Variants in PRRT1B observed in about 807,000 individuals in gnomAD.
PRRT1B encodes proline rich transmembrane protein 1B, also known as dispanin subfamily D member 2.
At chr9:131,547,614 C>T (rs369393782) in intron 1 of PRRT1B, among the ~76,000 whole-genome samples, 7 of 152,164 alleles carry the variant, frequency 4.6e-5, no homozygotes, top group South Asian at 2.1e-4. Flanking sequence ...CACACGGACG[C>T]GAGTGAAATT....
intron 1 of PRRT1B, among the ~76,000 whole-genome samples, chr9:131,550,213 C>T (rs938200917): frequency 1.3e-5 from 2 of 152,314 alleles, no homozygotes; most frequent in Admixed American, 6.5e-5. Context: ...AGGATCTGCG[C>T]CTTATCATCC....
intron 1 of PRRT1B, 106 bp downstream of exon 1, chr9:131,545,746 G>GTAC: frequency 2.5e-6 from 1 of 404,308 alleles, no homozygotes; most frequent in African/African-American, 2.1e-5. Flanking sequence ...GGCGGGGCAG[G>GTAC]TGCTGGCGGG....
intron 1 of PRRT1B, among the ~76,000 whole-genome samples, chr9:131,552,839 A>ATTTTTTTT (rs61662684): frequency 3.0e-5 from 4 of 133,798 alleles, no homozygotes; most frequent in African/African-American, 5.6e-5. Flanking sequence ...CACCTGGTTA[A>ATTTTTTTT]TTTTTTTTTT....
intron 1 of PRRT1B, among the ~76,000 whole-genome samples, chr9:131,546,519 C>A (rs949875917): frequency 2.0e-5 from 3 of 151,824 alleles, no homozygotes; most frequent in South Asian, 4.2e-4. Flanking sequence ...GCACTCCCCG[C>A]CCCCTCATCC....
At chr9:131,555,008 G>A in exon 2 of PRRT1B, 3 of 393,176 alleles carry the variant, frequency 7.6e-6, no homozygotes, top group Non-Finnish European at 1.3e-5. Flanking sequence ...CGCCCGCCGG[G>A]GCCGCCTTCC....
chr9:131,546,783 C>A (rs1006841356), intron 1 of PRRT1B, among the ~76,000 whole-genome samples: 2 of 152,182 alleles, frequency 1.3e-5, no homozygotes, highest in Non-Finnish European at 2.9e-5. Flanking sequence ...GCGCCGCCAG[C>A]AGATTTATTT....
chr9:131,558,995 C>T (rs1261610659), downstream of PRRT1B, among the ~76,000 whole-genome samples: 2 of 152,138 alleles, frequency 1.3e-5, no homozygotes, highest in African/African-American at 2.4e-5. Context: ...GCTGGGTGCT[C>T]GTTTGATGAG....
chr9:131,547,319 G>A (rs1009899948), intron 1 of PRRT1B, among the ~76,000 whole-genome samples: 2 of 151,972 alleles, frequency 1.3e-5, no homozygotes, highest in African/African-American at 2.4e-5. Context: ...CACCACAAAA[G>A]AAGTGGAAAT....
At chr9:131,556,177 G>T in exon 3 of PRRT1B, 1 of 401,120 alleles carries the variant, frequency 2.5e-6, no homozygotes. Context: ...TCTGCTGTCT[G>T]CTCACCGGTC....
chr9:131,559,512 A>G (rs1399580612), downstream of PRRT1B, among the ~76,000 whole-genome samples: 3 of 152,248 alleles, frequency 2.0e-5, no homozygotes, highest in Non-Finnish European at 2.9e-5. Context: ...TGATAGCTCA[A>G]GCTAAATCAG....
At chr9:131,550,685 C>T (rs931039687) in intron 1 of PRRT1B, among the ~76,000 whole-genome samples, 2 of 152,182 alleles carry the variant, frequency 1.3e-5, no homozygotes, top group East Asian at 3.9e-4. Flanking sequence ...AACAACTTGA[C>T]CTTACTGTTT....
chr9:131,548,338 T>A (rs1950988980), intron 1 of PRRT1B, among the ~76,000 whole-genome samples: 1 of 152,040 alleles, frequency 6.6e-6, no homozygotes, highest in Non-Finnish European at 1.5e-5. Context: ...CTCCTTCTTC[T>A]CCCTTAGCCT....
At chr9:131,549,124 C>A (rs1950993714) in intron 1 of PRRT1B, among the ~76,000 whole-genome samples, 1 of 152,032 alleles carries the variant, frequency 6.6e-6, no homozygotes, top group Admixed American at 6.6e-5. Flanking sequence ...TTAAATAAAC[C>A]CCCCAAATTA....
At chr9:131,550,350 C>T (rs62580643) in intron 1 of PRRT1B, among the ~76,000 whole-genome samples, 107,321 of 151,950 alleles carry the variant, frequency 0.71, 39,117 homozygotes, top group African/African-American at 0.9. Context: ...CCTTTGCACC[C>T]TTCATCCCAG....
intron 1 of PRRT1B, among the ~76,000 whole-genome samples, chr9:131,552,695 C>G (rs1431850175): frequency 1.4e-5 from 2 of 147,974 alleles, no homozygotes; most frequent in African/African-American, 4.9e-5. Context: ...TTTTTTGAGA[C>G]GGAGTCTCAC....
intron 1 of PRRT1B, 57 bp from the exon 2 acceptor site, chr9:131,554,500 C>T (rs1308592610): frequency 8.0e-6 from 3 of 374,634 alleles, no homozygotes; most frequent in African/African-American, 4.2e-5. Flanking sequence ...GCGGGACCAG[C>T]GACGTCCCAC....
At position 131,551,420 on chromosome 9, in the gene PRRT1B, G is replaced by A. The variant is rs1189601649; in HGVS notation, c.26-3137G>A. On this transcript the variant is annotated intron_variant, in intron 1 of 3. Transcript: ENST00000636672. The surrounding 1 kb of genome is among the most constrained non-coding windows in gnomAD (Gnocchi z 4.4). ...CCCTAATCTCGCTTGAAGCAGCCCT[G>A]AGAAACATCGCCCATTATCTCTCCA... 1.3e-5 allele frequency among the ~76,000 whole-genome samples: 2 copies of A among 152,022 alleles called. No homozygotes were observed. Among genetic ancestry groups the A allele is most frequent in the African/African-American group, 4.8e-5 (2 of 41,396 alleles).
intron 1 of PRRT1B, among the ~76,000 whole-genome samples, chr9:131,552,656 G>GA (rs892193684): frequency 6.7e-6 from 1 of 149,116 alleles, no homozygotes; most frequent in African/African-American, 2.5e-5. Flanking sequence ...ATGCAGTTTG[G>GA]GGGGGAGCCC....
intron 1 of PRRT1B, among the ~76,000 whole-genome samples, chr9:131,552,263 C>G (rs2132009281): frequency 6.6e-6 from 1 of 152,344 alleles, no homozygotes; most frequent in South Asian, 2.1e-4. Flanking sequence ...TCACTGCCCC[C>G]TCCTGTGAGG....
Sources: gnomAD v4.1 joint callset for allele counts (sites outside exome capture counted in the v4.1 genomes callset) on GRCh38, gnomAD v4.1.1 for gene constraint, Gnocchi (gnomAD v3.1) non-coding constraint, MANE v1.5 for transcripts, NCBI Gene and HGNC (gene_info 2026-07-23, HGNC 2026-07-21) for gene names.